CMC1: variants seen among roughly 807,000 people sequenced by gnomAD.
CMC1 encodes C-X9-C motif containing 1.
A neutral mutation model predicts 14.1 loss-of-function variants in CMC1; 14 were observed. That is an observed-to-expected ratio of 0.99 (90% CI 0.66 to 1.55). The LOEUF (loss-of-function observed/expected upper bound fraction) is 1.55, where lower values mean the gene tolerates loss of function less well. CMC1 is among the 40% of genes most tolerant of loss of function. The probability of loss-of-function intolerance (pLI) is 0.00; values close to 1 mark genes in which losing one functional copy is unlikely to be tolerated. For synonymous variants in CMC1, 50 were observed against 38.4 expected (o/e 1.30, Z -1.12); for missense variants, 127 against 123.8 (o/e 1.03, Z -0.12).
rs199689770 is a variant in CMC1, at chr3:28,324,282, T to C, written c.*4653T>C. ...TGTCTGTCCATGATTGGAGGATTGC[T>C]TTCTCTGATAAAACCTTTACATCTC... is the stretch of plus-strand genomic sequence containing the variant. On this transcript the variant is annotated 3_prime_UTR_variant, in exon 4 of 4. Coordinates refer to ENST00000466830, the MANE Select transcript of CMC1 (RefSeq NM_182523.2). 1.8e-4 allele frequency: 287 copies of C among 1,608,792 alleles called. No homozygotes were observed. Among genetic ancestry groups the C allele is most frequent in the Non-Finnish European group, 2.8e-5 (33 of 1,176,532 alleles).
intron 2 of CMC1, among the ~76,000 whole-genome samples, chr3:28,294,240 CAGG>C (rs1301993694): frequency 6.6e-6 from 1 of 152,080 alleles, no homozygotes; most frequent in African/African-American, 2.4e-5. Flanking sequence ...GAATTGCAGT[CAGG>C]AGAACCTTAC....
chr3:28,294,222 A>G (rs1003224320), intron 2 of CMC1, among the ~76,000 whole-genome samples: 2 of 152,196 alleles, frequency 1.3e-5, no homozygotes, highest in African/African-American at 2.4e-5. Context: ...CAAAAAAATT[A>G]CATAAATGAA....
intron 2 of CMC1, among the ~76,000 whole-genome samples, chr3:28,268,222 C>G (rs1700103906): frequency 6.6e-6 from 1 of 152,162 alleles, no homozygotes; most frequent in Non-Finnish European, 1.5e-5. Context: ...TGACAGGACT[C>G]AGCATATAAT....
intron 2 of CMC1, among the ~76,000 whole-genome samples, chr3:28,276,940 G>A (rs1700618059): frequency 6.6e-6 from 1 of 152,126 alleles, no homozygotes; most frequent in African/African-American, 2.4e-5. Flanking sequence ...TTATTGTATT[G>A]TGCTTCATTT....
chr3:28,258,329 A>C (rs1222705192), intron 1 of CMC1, among the ~76,000 whole-genome samples: 2 of 151,510 alleles, frequency 1.3e-5, no homozygotes, highest in African/African-American at 4.8e-5. Context: ...TAATTTGTAT[A>C]ATTTATTTTT....
intron 2 of CMC1, among the ~76,000 whole-genome samples, chr3:28,268,908 C>G (rs1256610087): frequency 1.3e-5 from 2 of 152,110 alleles, no homozygotes; most frequent in Non-Finnish European, 2.9e-5. Flanking sequence ...TCCATGGTTT[C>G]AATTACCTGT....
At chr3:28,275,412 A>G (rs1206701087) in intron 2 of CMC1, among the ~76,000 whole-genome samples, 3 of 127,646 alleles carry the variant, frequency 2.4e-5, no homozygotes, top group African/African-American at 6.1e-5. Context: ...TTCAGACCCT[A>G]TTTACCTGTT....
intron 1 of CMC1, among the ~76,000 whole-genome samples, chr3:28,259,412 G>T (rs1272213318): frequency 1.3e-5 from 2 of 151,738 alleles, no homozygotes; most frequent in African/African-American, 4.8e-5. Context: ...GGGTACATTA[G>T]GAAAAAATGT....
At chr3:28,254,341 T>C (rs551090260) in intron 1 of CMC1, among the ~76,000 whole-genome samples, 2 of 152,274 alleles carry the variant, frequency 1.3e-5, no homozygotes, top group Non-Finnish European at 2.9e-5. Context: ...TAATAAATCA[T>C]TGATATTTAG....
intron 2 of CMC1, among the ~76,000 whole-genome samples, chr3:28,271,743 A>C (rs987066049): frequency 1.3e-5 from 2 of 152,130 alleles, no homozygotes; most frequent in African/African-American, 4.8e-5. Flanking sequence ...AAATTTTTCC[A>C]ATTCCGAATT....
At chr3:28,311,876 TA>T (rs1247031279) in intron 2 of CMC1, among the ~76,000 whole-genome samples, 2 of 152,230 alleles carry the variant, frequency 1.3e-5, no homozygotes, top group Non-Finnish European at 2.9e-5. Context: ...CCTATATTTG[TA>T]AAACCTCTTA....
Position 28,308,990 on chromosome 3 carries a change from ATAAAT to A in CMC1, c.110-7342_110-7338del, listed in dbSNP as rs780625340. On this transcript the variant is annotated intron_variant, in intron 2 of 3. Coordinates refer to ENST00000466830, the MANE Select transcript of CMC1 (RefSeq NM_182523.2). ...GAGCGAGACTCCGTCTCAAAAAAAA[ATAAAT>A]AAATAAATAAATAAGCCTGCAAAAC... 5.0e-3 allele frequency among the ~76,000 whole-genome samples: 744 copies of A among 147,970 alleles called. 9 individuals carry two copies. Among genetic ancestry groups the A allele is most frequent in the African/African-American group, 0.018 (689 of 39,332 alleles).
chr3:28,270,210 C>T (rs1373081123), intron 2 of CMC1, among the ~76,000 whole-genome samples: 1 of 152,178 alleles, frequency 6.6e-6, no homozygotes, highest in East Asian at 1.9e-4. Flanking sequence ...AATAGTGCTG[C>T]AGTGAACATA....
At chr3:28,307,444 A>C (rs1433223309) in intron 2 of CMC1, among the ~76,000 whole-genome samples, 1 of 152,134 alleles carries the variant, frequency 6.6e-6, no homozygotes, top group African/African-American at 2.4e-5. Flanking sequence ...TGGGAGGATC[A>C]CTTGAGCCCA....
chr3:28,242,537 A>T (rs1698583238), intron 1 of CMC1, among the ~76,000 whole-genome samples: 1 of 152,224 alleles, frequency 6.6e-6, no homozygotes, highest in African/African-American at 2.4e-5. Context: ...AACTTGGGAG[A>T]TTCAGAAATG....
chr3:28,278,085 A>ATTGATGT (rs1159795289), intron 2 of CMC1, among the ~76,000 whole-genome samples: 4 of 101,428 alleles, frequency 3.9e-5, no homozygotes, highest in African/African-American at 7.7e-5. Flanking sequence ...GATGTGATTG[A>ATTGATGT]GATACTCCAA....
At chr3:28,278,333 G>C (rs966959298) in intron 2 of CMC1, among the ~76,000 whole-genome samples, 1 of 152,102 alleles carries the variant, frequency 6.6e-6, no homozygotes, top group Non-Finnish European at 1.5e-5. Context: ...TTTTGGATAT[G>C]TTAACTTTGA....
chr3:28,252,337 A>G (rs1576977514), intron 1 of CMC1, among the ~76,000 whole-genome samples: 1 of 152,194 alleles, frequency 6.6e-6, no homozygotes. Context: ...CTTGACCCAG[A>G]AGCTAAGCAG....
chr3:28,282,596 T>C (rs1408534673), intron 2 of CMC1, among the ~76,000 whole-genome samples: 1 of 152,106 alleles, frequency 6.6e-6, no homozygotes. Flanking sequence ...CTAAACACAG[T>C]TTAATCTTTT....
Sources: allele counts gnomAD v4.1 joint callset (sites outside exome capture counted in the v4.1 genomes callset), GRCh38; gene constraint gnomAD v4.1.1; transcripts MANE v1.5; gene names NCBI Gene and HGNC (gene_info 2026-07-23, HGNC 2026-07-21).